Variants in SGCD observed in about 807,000 individuals in gnomAD.
The protein encoded by SGCD is delta-sarcoglycan.
SGCD carries 18 observed loss-of-function variants against 36.6 expected under a neutral mutation model. The observed-to-expected ratio is 0.49, with a 90% CI of 0.34 to 0.73. The LOEUF (loss-of-function observed/expected upper bound fraction) is 0.73, where lower values mean the gene tolerates loss of function less well. Among genes scored for constraint, SGCD ranks in the 30% least tolerant of loss-of-function variants. SGCD has a pLI of 0.01. For missense variants in SGCD, 387 were observed against 346.7 expected, an observed-to-expected ratio of 1.12 and a Z score of -0.92; for synonymous variants, 133 against 130.6, an observed-to-expected ratio of 1.02 and a Z score of -0.12.
chr5:156,496,773 C>A (rs775169771), intron 3 of SGCD, among the ~76,000 whole-genome samples: 2 of 152,142 alleles, frequency 1.3e-5, no homozygotes, highest in African/African-American at 2.4e-5. Context: ...TAGTCCTACA[C>A]ATGCCCAAAG....
At chr5:156,683,117 G>T (rs1000429134) in intron 7 of SGCD, among the ~76,000 whole-genome samples, 1 of 152,262 alleles carries the variant, frequency 6.6e-6, no homozygotes, top group African/African-American at 2.4e-5. Flanking sequence ...AAGCCTTAAA[G>T]GAAACAGATG....
chr5:156,420,675 A>G (rs951039146), intron 3 of SGCD, among the ~76,000 whole-genome samples: 3 of 152,140 alleles, frequency 2.0e-5, no homozygotes, highest in Non-Finnish European at 4.4e-5. Context: ...TAAGATATCA[A>G]TGAGATATTT....
At chr5:155,926,361 T>A (rs976516514) in intron 1 of SGCD, among the ~76,000 whole-genome samples, 1 of 152,192 alleles carries the variant, frequency 6.6e-6, no homozygotes, top group Non-Finnish European at 1.5e-5. Context: ...GCAGGACTTT[T>A]GGTTCCAAAT....
chr5:156,431,408 G>A (rs1481766607), intron 3 of SGCD, among the ~76,000 whole-genome samples: 6 of 152,144 alleles, frequency 3.9e-5, no homozygotes. Context: ...CTGCATTCCT[G>A]TAGGAGAAGC....
intron 3 of SGCD, among the ~76,000 whole-genome samples, chr5:156,358,063 T>C (rs1474755082): frequency 1.3e-5 from 2 of 152,230 alleles, no homozygotes; most frequent in African/African-American, 4.8e-5. Context: ...TTGACCATTA[T>C]TACATGAGGC....
intron 4 of SGCD, among the ~76,000 whole-genome samples, chr5:156,528,039 T>G (rs952974432): frequency 2.6e-5 from 4 of 152,192 alleles, no homozygotes; most frequent in Non-Finnish European, 4.4e-5. Context: ...TAATTATATA[T>G]TTTTACATTT....
chr5:155,758,734 T>C, the SGCD span, among the ~76,000 whole-genome samples: 4 of 152,124 alleles, frequency 2.6e-5, no homozygotes, highest in Non-Finnish European at 5.9e-5. Context: ...CATTCCCAAA[T>C]CACCACCCCG....
In SGCD at chr5:156,590,545, G is replaced by T. The variant is rs150535565; in HGVS notation, c.382+1227G>T. ...CAGTAAGCAATGATTTAAGCAGCGTGTGTGAAAATTGCCTCCAGGAGGGTA... is the reference window on the plus strand; with the variant it reads ...CAGTAAGCAATGATTTAAGCAGCGTTTGTGAAAATTGCCTCCAGGAGGGTA... On this transcript the variant is annotated intron_variant, in intron 5 of 8. Coordinates refer to ENST00000337851, the MANE Select transcript of SGCD (RefSeq NM_000337.6). 4.2e-3 allele frequency among the ~76,000 whole-genome samples: 638 copies of T among 152,286 alleles called. 4 individuals are homozygous for T. The highest frequency in any genetic ancestry group is 0.016 in the South Asian group (79 of 4,822).
At chr5:156,293,723 G>A (rs889139351) in intron 3 of SGCD, among the ~76,000 whole-genome samples, 1 of 152,126 alleles carries the variant, frequency 6.6e-6, no homozygotes, top group Non-Finnish European at 1.5e-5. Flanking sequence ...AGGCTTGGTA[G>A]TAAGTTGTGA....
At chr5:155,972,521 C>T (rs994281007) in intron 1 of SGCD, among the ~76,000 whole-genome samples, 1 of 151,992 alleles carries the variant, frequency 6.6e-6, no homozygotes, top group African/African-American at 2.4e-5. Flanking sequence ...TTAATAATAG[C>T]CATTTCATTT....
chr5:156,269,387 G>T (rs577538793), intron 3 of SGCD, among the ~76,000 whole-genome samples: 1 of 147,102 alleles, frequency 6.8e-6, no homozygotes, highest in East Asian at 2.1e-4. Flanking sequence ...GGAGAATGGC[G>T]TGAACCTGGG....
At position 156,667,558 on chromosome 5, in the gene SGCD, G is replaced by A. The variant is rs577120022; in HGVS notation, c.575+20022G>A. ...TACAGGAGAAGTAGAAAACTATAGC[G>A]GACCAAATAACAGCATAGTTATTCA... is the stretch of plus-strand genomic sequence containing the variant. On this transcript the variant is annotated intron_variant, in intron 7 of 8. Transcript: ENST00000337851. Among the ~76,000 whole-genome samples the A allele has an allele frequency of 2.2e-3, 335 of 152,240 alleles. 1 individual carries two copies. Among genetic ancestry groups the A allele is most frequent in the Non-Finnish European group, 3.5e-3 (241 of 68,020 alleles).
intron 3 of SGCD, among the ~76,000 whole-genome samples, chr5:156,413,686 C>T (rs2127771522): frequency 6.6e-6 from 1 of 152,290 alleles, no homozygotes; most frequent in Admixed American, 6.5e-5. Flanking sequence ...TCTCAGAAAC[C>T]TTGAACTTTT....
intron 3 of SGCD, among the ~76,000 whole-genome samples, chr5:156,198,376 G>A (rs910492946): frequency 6.6e-6 from 1 of 152,022 alleles, no homozygotes; most frequent in East Asian, 1.9e-4. Context: ...ATAATTTACC[G>A]AGCACTTGGA....
At chr5:156,059,988 T>A (rs1760162185) in intron 1 of SGCD, among the ~76,000 whole-genome samples, 1 of 146,794 alleles carries the variant, frequency 6.8e-6, no homozygotes, top group Non-Finnish European at 1.5e-5. Flanking sequence ...ATCTATATGG[T>A]TGTCACAAAA....
At chr5:155,955,109 G>A (rs1172316229) in intron 1 of SGCD, among the ~76,000 whole-genome samples, 3 of 152,066 alleles carry the variant, frequency 2.0e-5, no homozygotes, top group Non-Finnish European at 4.4e-5. Context: ...AGGCCTACTT[G>A]TGTCAGGGAG....
chr5:156,706,084 C>T (rs1317623643), intron 7 of SGCD, among the ~76,000 whole-genome samples: 2 of 152,234 alleles, frequency 1.3e-5, no homozygotes, highest in African/African-American at 4.8e-5. Flanking sequence ...AGAAGTTTAG[C>T]ATATTATCTA....
intron 1 of SGCD, among the ~76,000 whole-genome samples, chr5:155,962,135 T>G (rs1030397095): frequency 3.3e-5 from 5 of 152,082 alleles, no homozygotes; most frequent in Admixed American, 3.3e-4. Flanking sequence ...CATAGTTACA[T>G]AGCAGTCAGG....
chr5:156,000,031 C>G (rs1045004303), intron 1 of SGCD, among the ~76,000 whole-genome samples: 1 of 152,228 alleles, frequency 6.6e-6, no homozygotes, highest in Non-Finnish European at 1.5e-5. Context: ...ATTCTTGAAG[C>G]CTTTGCATTG....
Sources: gnomAD v4.1 joint callset for allele counts (sites outside exome capture counted in the v4.1 genomes callset) on GRCh38, gnomAD v4.1.1 for gene constraint, MANE v1.5 for transcripts, NCBI Gene and HGNC (gene_info 2026-07-23, HGNC 2026-07-21) for gene names.